ADCY9: variants seen among roughly 807,000 people sequenced by gnomAD.
ADCY9 encodes the protein adenylate cyclase type 9.
ADCY9 carries 50 observed loss-of-function variants against 101.5 expected under a neutral mutation model. The observed-to-expected ratio is 0.49, with a 90% CI of 0.39 to 0.62. The LOEUF (loss-of-function observed/expected upper bound fraction) is 0.62, where lower values mean the gene tolerates loss of function less well. Ranked by LOEUF, ADCY9 falls within the 20% of genes least tolerant of loss-of-function variation. The pLI, the probability that ADCY9 is intolerant of heterozygous loss-of-function variation, is 0.00. For synonymous variants in ADCY9, 905 were observed against 769.3 expected (o/e 1.18, Z -2.92); for missense variants, 1,662 against 1,800.4 (o/e 0.92, Z 1.39).
chr16:4,046,656 G>A (rs2056667034), intron 2 of ADCY9, among the ~76,000 whole-genome samples: 1 of 152,086 alleles, frequency 6.6e-6, no homozygotes. Flanking sequence ...GAGTTCTGAA[G>A]AAAATAAGAC....
chr16:4,012,625 CAG>C (rs2056411690), intron 2 of ADCY9, among the ~76,000 whole-genome samples: 1 of 152,122 alleles, frequency 6.6e-6, no homozygotes, highest in Admixed American at 6.5e-5. Flanking sequence ...ACAAAGGCTA[CAG>C]AGAGGGGTGG....
chr16:4,041,778 G>A (rs1411667697), intron 2 of ADCY9, among the ~76,000 whole-genome samples: 1 of 149,296 alleles, frequency 6.7e-6, no homozygotes, highest in Non-Finnish European at 1.5e-5. Context: ...TTGAGACAAG[G>A]TTTCACCGTG....
intron 2 of ADCY9, among the ~76,000 whole-genome samples, chr16:4,082,133 T>C (rs1363778903): frequency 2.0e-5 from 3 of 151,998 alleles, no homozygotes; most frequent in Admixed American, 1.3e-4. Context: ...CCCAGCACTT[T>C]GGGAGACTGA....
chr16:3,961,109 G>A (rs977721921), downstream of ADCY9, among the ~76,000 whole-genome samples: 1 of 152,192 alleles, frequency 6.6e-6, no homozygotes, highest in African/African-American at 2.4e-5. Context: ...TTTCTTGGCT[G>A]TTTGAGAAAT....
chr16:4,022,490 CAAAAAAAA>C (rs58498676), intron 2 of ADCY9, among the ~76,000 whole-genome samples: 1 of 65,048 alleles, frequency 1.5e-5, no homozygotes, highest in Non-Finnish European at 2.5e-5. Flanking sequence ...GACTCCGTCT[CAAAAAAAA>C]AAAAAAAAAA....
intron 7 of ADCY9, among the ~76,000 whole-genome samples, 180 bp from the exon 8 acceptor site, chr16:3,979,455 G>A (rs1181855792): frequency 1.3e-5 from 2 of 152,242 alleles, no homozygotes; most frequent in Admixed American, 6.5e-5. Flanking sequence ...AGAAGGCAAG[G>A]AAGCCAGGCT....
At chr16:3,985,226 G>A (rs946569261) in intron 6 of ADCY9, among the ~76,000 whole-genome samples, 8 of 134,068 alleles carry the variant, frequency 6.0e-5, no homozygotes, top group Admixed American at 1.8e-4. Context: ...TGCAACCTCC[G>A]CCTCCCAGGT....
chr16:4,005,743 C>T (rs1318167463), intron 3 of ADCY9, among the ~76,000 whole-genome samples: 1 of 152,126 alleles, frequency 6.6e-6, no homozygotes, highest in Non-Finnish European at 1.5e-5. Context: ...CGACCGCATC[C>T]CCTAACGGAC....
Position 3,974,679 on chromosome 16 carries a change from G to T in ADCY9, c.2860C>A (p.Gln954Lys), listed in dbSNP as rs1434141802. ...ATATTAAAAGCTTACCTGAAATTCT[G>T]TACTGCGTCAAGGGGCGAAGTTAAT... is the stretch of plus-strand genomic sequence containing the variant. Reference protein sequence around the residue: ...SVLTSPLDAVQNFSSERNPCN... With the variant: ...SVLTSPLDAVKNFSSERNPCN... Residue 954 changes from glutamine (Q) to lysine (K), a missense_variant, in exon 10 of 11, where the codon CAG becomes AAG. Physicochemically the swap from Gln to Lys is moderately conservative, Grantham distance 53. Around this residue, in one of 5 missense-constraint regions of ADCY9, gnomAD observed 624 missense variants for 639.1 expected, o/e 0.98. Coordinates refer to ENST00000294016, the MANE Select transcript of ADCY9 (RefSeq NM_001116.4). 2 of 1,612,708 alleles carry T rather than the reference G, an allele frequency of 1.2e-6. No homozygotes were observed. The highest frequency in any genetic ancestry group is 1.7e-6 in the Non-Finnish European group (2 of 1,178,864).
At chr16:4,085,794 G>A (rs1016408742) in intron 2 of ADCY9, among the ~76,000 whole-genome samples, 1 of 151,990 alleles carries the variant, frequency 6.6e-6, no homozygotes, top group African/African-American at 2.4e-5. Flanking sequence ...GTGGGGCCCA[G>A]ACGTCTGTGT....
At chr16:4,047,537 A>G (rs950372937) in intron 2 of ADCY9, among the ~76,000 whole-genome samples, 4 of 149,608 alleles carry the variant, frequency 2.7e-5, no homozygotes, top group Non-Finnish European at 4.4e-5. Context: ...TTTGTAACCA[A>G]TGGGCTTCTG....
intron 5 of ADCY9, among the ~76,000 whole-genome samples, chr16:3,991,052 G>A (rs1481580213): frequency 2.0e-5 from 3 of 152,136 alleles, no homozygotes; most frequent in Non-Finnish European, 2.9e-5. Context: ...TACCTGCCTC[G>A]GCCTCCCAAA....
intron 10 of ADCY9, among the ~76,000 whole-genome samples, chr16:3,972,922 T>C (rs2056065051): frequency 6.6e-6 from 1 of 152,054 alleles, no homozygotes; most frequent in Non-Finnish European, 1.5e-5. Flanking sequence ...CATACTGACA[T>C]ACACATCAAT....
chr16:4,066,885 C>A (rs1268662876), intron 2 of ADCY9, among the ~76,000 whole-genome samples: 1 of 152,200 alleles, frequency 6.6e-6, no homozygotes, highest in Non-Finnish European at 1.5e-5. Context: ...CCAACGTTTT[C>A]ATTTACATAT....
At chr16:4,085,808 G>A (rs1441565766) in intron 2 of ADCY9, among the ~76,000 whole-genome samples, 3 of 152,002 alleles carry the variant, frequency 2.0e-5, no homozygotes, top group Admixed American at 6.5e-5. Context: ...TCTGTGTTTT[G>A]ACTCAGATGA....
chr16:4,099,955 G>A (rs1411494338), intron 2 of ADCY9, among the ~76,000 whole-genome samples: 2 of 152,184 alleles, frequency 1.3e-5, no homozygotes, highest in African/African-American at 2.4e-5. Flanking sequence ...GCTGAGGTAC[G>A]AGGAGCACTT....
At chr16:3,998,723 A>AG (rs1280299620) in intron 3 of ADCY9, among the ~76,000 whole-genome samples, 2 of 142,450 alleles carry the variant, frequency 1.4e-5, no homozygotes, top group Non-Finnish European at 3.0e-5. Context: ...AAAAAAAAAA[A>AG]AAAAAAAAAA....
intron 2 of ADCY9, among the ~76,000 whole-genome samples, chr16:4,105,044 G>C (rs1220559923): frequency 1.6e-5 from 2 of 123,618 alleles, no homozygotes; most frequent in African/African-American, 6.1e-5. Flanking sequence ...ACTCCAATGT[G>C]GGCAACAAGA....
intron 2 of ADCY9, among the ~76,000 whole-genome samples, chr16:4,021,447 GT>G (rs2056476059): frequency 6.6e-6 from 1 of 152,168 alleles, no homozygotes. Flanking sequence ...CCTCCTCCAG[GT>G]CCCTACTGCC....
Sources: allele counts gnomAD v4.1 joint callset (sites outside exome capture counted in the v4.1 genomes callset), GRCh38; gene constraint gnomAD v4.1.1; regional missense constraint gnomAD v4.1.1; transcripts MANE v1.5; gene names NCBI Gene and HGNC (gene_info 2026-07-23, HGNC 2026-07-21).